The following PAMR1 variants were observed in gnomAD, a reference collection of about 807,000 sequenced individuals.
PAMR1 encodes the protein inactive serine protease PAMR1.
A neutral mutation model predicts 81.8 loss-of-function variants in PAMR1; 88 were observed. The observed-to-expected ratio is 1.08, with a 90% CI of 0.91 to 1.28. PAMR1 has a LOEUF of 1.28. PAMR1 is among the 50% of genes most tolerant of loss of function. The probability of loss-of-function intolerance (pLI) is 0.00; values close to 1 mark genes in which losing one functional copy is unlikely to be tolerated. For missense variants in PAMR1, 935 were observed against 919.7 expected (o/e 1.02, Z -0.21); for synonymous variants, 336 against 345.3 (o/e 0.97, Z 0.30).
chr11:35,453,036 A>G (rs1323853915), intron 6 of PAMR1, among the ~76,000 whole-genome samples: 2 of 152,222 alleles, frequency 1.3e-5, no homozygotes, highest in African/African-American at 2.4e-5. Flanking sequence ...AGGGTTAAAT[A>G]TATTCATTCT....
intron 4 of PAMR1, 21 bp from the exon 5 acceptor site, chr11:35,470,839 G>A (rs554717625): frequency 3.9e-5 from 62 of 1,582,054 alleles, no homozygotes; most frequent in Non-Finnish European, 4.5e-5. Flanking sequence ...ACAGGGTGAC[G>A]GAGGGAAGCA....
intron 1 of PAMR1, among the ~76,000 whole-genome samples, chr11:35,497,171 T>C (rs1850741512): frequency 6.6e-6 from 1 of 151,856 alleles, no homozygotes; most frequent in South Asian, 2.1e-4. Flanking sequence ...TGTCTGAAAA[T>C]AATAGTAATA....
chr11:35,501,022 CTT>C (rs1324803272), intron 1 of PAMR1, among the ~76,000 whole-genome samples: 3 of 152,066 alleles, frequency 2.0e-5, no homozygotes, highest in Admixed American at 2.0e-4. Context: ...CTACTGTAGA[CTT>C]TATAAACACC....
At chr11:35,482,430 T>A (rs1195231205) in intron 3 of PAMR1, among the ~76,000 whole-genome samples, 2 of 152,236 alleles carry the variant, frequency 1.3e-5, no homozygotes, top group Non-Finnish European at 2.9e-5. Flanking sequence ...TCTATTTTGA[T>A]TACTGTAGCC....
At chr11:35,441,458 C>A in intron 7 of PAMR1, 23 bp downstream of exon 7, 1 of 1,571,682 alleles carries the variant, frequency 6.4e-7, no homozygotes, top group Non-Finnish European at 8.7e-7. Context: ...TGTCCGTAGA[C>A]TTCAGAAACA....
At chr11:35,469,613 TC>T (rs1159019600) in intron 5 of PAMR1, among the ~76,000 whole-genome samples, 2 of 152,176 alleles carry the variant, frequency 1.3e-5, no homozygotes, top group Non-Finnish European at 2.9e-5. Flanking sequence ...TGCTGAGAGT[TC>T]CTGTAGGCAG....
At chr11:35,522,986 G>A (rs1250304941) in intron 1 of PAMR1, among the ~76,000 whole-genome samples, 6 of 152,150 alleles carry the variant, frequency 3.9e-5, no homozygotes, top group Non-Finnish European at 1.5e-5. Flanking sequence ...AATTTCTAAA[G>A]TCACTCTCAG....
At chr11:35,528,172 A>G (rs1851420697), upstream of PAMR1, among the ~76,000 whole-genome samples, 1 of 152,186 alleles carries the variant, frequency 6.6e-6, no homozygotes, top group African/African-American at 2.4e-5. Flanking sequence ...TTTTGAGCTG[A>G]AAGCAGTTAA....
At chr11:35,493,976 C>G in intron 2 of PAMR1, 120 bp downstream of exon 2, 1 of 745,776 alleles carries the variant, frequency 1.3e-6, no homozygotes, top group South Asian at 1.7e-5. Context: ...TGTCACTTTT[C>G]ATAATCATGG....
chr11:35,527,912 C>G (rs1276582870), upstream of PAMR1, among the ~76,000 whole-genome samples: 6 of 152,244 alleles, frequency 3.9e-5, no homozygotes, highest in Middle Eastern at 3.4e-3. Context: ...AAAATGAAAA[C>G]TTTTATGGGG....
chr11:35,447,203 T>C (rs909602724), intron 6 of PAMR1, among the ~76,000 whole-genome samples: 34 of 58,238 alleles, frequency 5.8e-4, no homozygotes, highest in Admixed American at 3.5e-3. Context: ...CCTCCATCCC[T>C]TTTTTTTTTT....
At chr11:35,433,836 ATGGATGGATGAG>A (rs1855971222) in intron 10 of PAMR1, among the ~76,000 whole-genome samples, 1 of 151,852 alleles carries the variant, frequency 6.6e-6, no homozygotes, top group Admixed American at 6.6e-5. Context: ...GGATGGATGG[ATGGATGGATGAG>A]GGGATGGATA....
At chr11:35,442,228 T>G (rs999145774) in intron 6 of PAMR1, among the ~76,000 whole-genome samples, 14 of 152,232 alleles carry the variant, frequency 9.2e-5, no homozygotes, top group Non-Finnish European at 2.9e-5. Flanking sequence ...AAAGTTATAG[T>G]TAAAAATACT....
At chr11:35,477,672 A>G (rs1272576028) in intron 3 of PAMR1, among the ~76,000 whole-genome samples, 13 of 152,216 alleles carry the variant, frequency 8.5e-5, no homozygotes, top group African/African-American at 3.1e-4. Context: ...TAGCAGGAAA[A>G]TTAGTAAATG....
At position 35,441,646 on chromosome 11, in the gene PAMR1, A is replaced by G. The variant is rs759667343; in HGVS notation, c.868T>C (p.Tyr290His). 2.5e-6 allele frequency: 4 copies of G among 1,613,802 alleles called. No individual in the cohort carries two copies. Among genetic ancestry groups the G allele is most frequent in the South Asian group, 1.1e-5 (1 of 91,066 alleles). The change falls in exon 7 of 11, where the codon TAC becomes CAC. Residue 290 changes from tyrosine (Y) to histidine (H), a missense_variant. Transcript: ENST00000619888. ...CCAGGGCCCCCTGTTATTTTCTGGTACCCATTGACTGGGCCCCCAGGGTCT... is the reference window on the plus strand; with the variant it reads ...CCAGGGCCCCCTGTTATTTTCTGGTGCCCATTGACTGGGCCCCCAGGGTCT... ...CSDPGGPVNG[Y>H]QKITGGPGLI...
chr11:35,503,117 TG>T (rs1403966860), intron 1 of PAMR1, among the ~76,000 whole-genome samples: 1 of 152,178 alleles, frequency 6.6e-6, no homozygotes, highest in Non-Finnish European at 1.5e-5. Flanking sequence ...TGTATGTTCT[TG>T]GTACCTTTGT....
chr11:35,485,845 C>T (rs1188402385), intron 3 of PAMR1, among the ~76,000 whole-genome samples: 1 of 152,154 alleles, frequency 6.6e-6, no homozygotes, highest in East Asian at 1.9e-4. Flanking sequence ...AAGGAAGCGC[C>T]TTCAGGATAA....
chr11:35,489,361 C>T (rs1850573328), intron 3 of PAMR1, among the ~76,000 whole-genome samples: 1 of 152,152 alleles, frequency 6.6e-6, no homozygotes, highest in Non-Finnish European at 1.5e-5. Flanking sequence ...CTTGAGATTC[C>T]TTACCCCATT....
At chr11:35,452,418 G>A (rs997400301) in intron 6 of PAMR1, among the ~76,000 whole-genome samples, 29 of 152,072 alleles carry the variant, frequency 1.9e-4, no homozygotes, top group Non-Finnish European at 3.8e-4. Context: ...AGAAAGAGAA[G>A]GGACAGAAAA....
Sources: gnomAD v4.1 joint callset for allele counts (sites outside exome capture counted in the v4.1 genomes callset) on GRCh38, gnomAD v4.1.1 for gene constraint, MANE v1.5 for transcripts, NCBI Gene and HGNC (gene_info 2026-07-23, HGNC 2026-07-21) for gene names.